C9: variants seen among roughly 807,000 people sequenced by gnomAD.
The protein encoded by C9 is complement component C9.
Under a neutral mutation model 65.4 loss-of-function variants are expected in C9, and 63 were observed. The ratio of observed to expected loss-of-function variants is 0.96; its 90% CI spans 0.79 to 1.19. The LOEUF (loss-of-function observed/expected upper bound fraction) is 1.19, where lower values mean the gene tolerates loss of function less well. C9 is among the 50% of genes most tolerant of loss of function. C9 has a pLI of 0.00. For missense variants in C9, 744 were observed against 670.1 expected, an observed-to-expected ratio of 1.11 and a Z score of -1.22; for synonymous variants, 229 against 227.9, an observed-to-expected ratio of 1.00 and a Z score of -0.04.
At chr5:39,352,272 A>G (rs932425951) in intron 1 of C9, among the ~76,000 whole-genome samples, 1 of 152,222 alleles carries the variant, frequency 6.6e-6, no homozygotes, top group African/African-American at 2.4e-5. Flanking sequence ...ACAATTTGAC[A>G]TGAGATTTGG....
At chr5:39,286,058 A>T (rs1463777801) in intron 10 of C9, among the ~76,000 whole-genome samples, 1 of 152,086 alleles carries the variant, frequency 6.6e-6, no homozygotes, top group African/African-American at 2.4e-5. Flanking sequence ...TGAAAGGTCA[A>T]CCAAACAATG....
intron 9 of C9, among the ~76,000 whole-genome samples, chr5:39,298,600 T>C (rs550848047): frequency 1.3e-4 from 20 of 151,796 alleles, no homozygotes; most frequent in Admixed American, 9.8e-4. Flanking sequence ...ATTTAAATAA[T>C]TGAATTTAGA....
At chr5:39,295,708 G>T (rs1236398866) in intron 9 of C9, among the ~76,000 whole-genome samples, 1 of 151,196 alleles carries the variant, frequency 6.6e-6, no homozygotes, top group Non-Finnish European at 1.5e-5. Context: ...ACCTCAAATA[G>T]CCAAAGCAAT....
chr5:39,320,017 G>A (rs1753640110), intron 5 of C9, among the ~76,000 whole-genome samples: 1 of 152,266 alleles, frequency 6.6e-6, no homozygotes, highest in East Asian at 1.9e-4. Context: ...ATTAATGAAG[G>A]GTTATCCCTG....
intron 1 of C9, among the ~76,000 whole-genome samples, chr5:39,356,194 T>G (rs1754410661): frequency 2.0e-5 from 3 of 152,218 alleles, no homozygotes; most frequent in African/African-American, 7.2e-5. Flanking sequence ...TACTAGTTCT[T>G]TTTTATAGAT....
intron 9 of C9, among the ~76,000 whole-genome samples, chr5:39,295,056 GT>G: frequency 6.6e-6 from 1 of 151,618 alleles, no homozygotes; most frequent in Middle Eastern, 3.4e-3. Context: ...TAGAATAAAA[GT>G]AATTAAACAC....
At chr5:39,361,090 T>A (rs1183635889) in intron 1 of C9, among the ~76,000 whole-genome samples, 2 of 150,794 alleles carry the variant, frequency 1.3e-5, no homozygotes, top group Admixed American at 6.6e-5. Context: ...CAGAAAGTTA[T>A]CCAGGACATG....
In C9 at chr5:39,333,856, C is replaced by T. The variant is rs374221197; in HGVS notation, c.477-2042G>A. ...CTCCAGCTCCTAACCGCGAGTGATC[C>T]GCCAGCCTTGGCCTCCTGAGTTGCC... On this transcript the variant is annotated intron_variant, in intron 4 of 10. Coordinates refer to ENST00000263408, the MANE Select transcript of C9 (RefSeq NM_001737.5). 2.6e-3 allele frequency among the ~76,000 whole-genome samples: 390 copies of T among 152,238 alleles called. 1 individual carries two copies. Among genetic ancestry groups the T allele is most frequent in the Non-Finnish European group, 3.3e-3 (225 of 68,044 alleles).
chr5:39,351,292 C>G (rs1311652517), intron 1 of C9, among the ~76,000 whole-genome samples: 2 of 152,156 alleles, frequency 1.3e-5, no homozygotes, highest in Non-Finnish European at 2.9e-5. Context: ...AAGGGGCTAC[C>G]ACAAAGGTCT....
intron 5 of C9, among the ~76,000 whole-genome samples, chr5:39,316,404 T>C (rs1211503958): frequency 6.6e-6 from 1 of 152,212 alleles, no homozygotes; most frequent in Non-Finnish European, 1.5e-5. Context: ...GTTTGCTACA[T>C]AGGTAAACAT....
At chr5:39,330,556 C>G (rs16868653) in intron 5 of C9, among the ~76,000 whole-genome samples, 4,556 of 152,228 alleles carry the variant, frequency 0.03, 211 homozygotes, top group African/African-American at 0.1. Context: ...ACCAAGGTGA[C>G]CATGTTTGGT....
chr5:39,343,239 C>T (rs1044627238), intron 1 of C9, among the ~76,000 whole-genome samples: 8 of 152,150 alleles, frequency 5.3e-5, no homozygotes, highest in Non-Finnish European at 7.4e-5. Flanking sequence ...CATCGCCTCA[C>T]CCGGGAAGTG....
chr5:39,330,772 G>T (rs1753825835), intron 5 of C9, among the ~76,000 whole-genome samples: 1 of 152,134 alleles, frequency 6.6e-6, no homozygotes. Context: ...AAAAAAACAT[G>T]CCAGTCAAAT....
chr5:39,308,437 A>G, intron 7 of C9, 79 bp from the exon 8 acceptor site: 1 of 1,062,606 alleles, frequency 9.4e-7, no homozygotes, highest in Non-Finnish European at 1.5e-6. Flanking sequence ...GCTATTTTCA[A>G]GCAACATCCT....
rs1754466461 is a variant in C9 at position 39,359,048 on chromosome 5, GTATATATATGTGTA to G, written c.77+5326_77+5339del. Among the ~76,000 whole-genome samples the G allele has an allele frequency of 4.3e-5, 6 of 140,274 alleles. 1 individual carries two copies. Among genetic ancestry groups the G allele is most frequent in the African/African-American group, 1.6e-4 (6 of 37,886 alleles). The allele number at this position is 140,274 out of a possible 152,430, so 92.0% of individuals were successfully genotyped here. ...TATATATATATATATGTGTGTGTGT[GTATATATATGTGTA>G]TATATATATGTGTGTGTATATATAT... On this transcript the variant is annotated intron_variant, in intron 1 of 10. Coordinates refer to ENST00000263408, the MANE Select transcript of C9 (RefSeq NM_001737.5).
At chr5:39,352,611 GT>G (rs1430103874) in intron 1 of C9, among the ~76,000 whole-genome samples, 1 of 152,134 alleles carries the variant, frequency 6.6e-6, no homozygotes, top group Admixed American at 6.5e-5. Flanking sequence ...TGCTGTTACA[GT>G]CTTGTAAATG....
intron 5 of C9, among the ~76,000 whole-genome samples, chr5:39,319,643 T>C (rs1402608827): frequency 3.3e-5 from 5 of 152,240 alleles, no homozygotes; most frequent in Admixed American, 2.0e-4. Context: ...AGTGCCAGAA[T>C]GGCCACTGCA....
At chr5:39,335,472 A>G (rs1753947051) in intron 4 of C9, among the ~76,000 whole-genome samples, 1 of 152,192 alleles carries the variant, frequency 6.6e-6, no homozygotes, top group Non-Finnish European at 1.5e-5. Context: ...AAACATTTGG[A>G]AAAAAATGTA....
chr5:39,354,052 T>C (rs1010034080), intron 1 of C9, among the ~76,000 whole-genome samples: 1 of 152,210 alleles, frequency 6.6e-6, no homozygotes, highest in Non-Finnish European at 1.5e-5. Flanking sequence ...GGCCCTTGCC[T>C]ACACCTTCCA....
Sources: allele counts gnomAD v4.1 joint callset (sites outside exome capture counted in the v4.1 genomes callset), GRCh38; gene constraint gnomAD v4.1.1; transcripts MANE v1.5; gene names NCBI Gene and HGNC (gene_info 2026-07-23, HGNC 2026-07-21).